The following LYZL2 variants were observed in gnomAD, a reference collection of about 807,000 sequenced individuals.
The protein encoded by LYZL2 is lysozyme-like protein 2.
LYZL2 carries 13 observed loss-of-function variants against 17.1 expected under a neutral mutation model. The observed-to-expected ratio is 0.76, with a 90% confidence interval of 0.49 to 1.21. The LOEUF (loss-of-function observed/expected upper bound fraction) is 1.21, where lower values mean the gene tolerates loss of function less well. LYZL2 is among the 50% of genes most tolerant of loss of function. The pLI is 0.00. For synonymous variants in LYZL2, 63 were observed against 74.4 expected (o/e 0.85, Z 0.79); for missense variants, 166 against 189.2 (o/e 0.88, Z 0.72).
rs777828429 is a variant in LYZL2 at position 30,611,976 on chromosome 10, T to C, written c.426A>G (p.Lys142=). 1.2e-6 allele frequency: 2 copies of C among 1,614,160 alleles called. No homozygotes were observed. Among genetic ancestry groups the C allele is most frequent in the Admixed American group, 1.7e-5 (1 of 60,028 alleles). The change falls in exon 5 of 5, where the codon AAA becomes AAG. Residue 142 remains lysine, a synonymous_variant. Transcript: ENST00000647634. ...HCEGRDLSDW[K]KDCEVS ...CAGTTTAGGAAACCTCACAGTCTTT[T>C]TTCCAGTCGGACAGGTCTCTCCCCT... is the stretch of plus-strand genomic sequence containing the variant.
downstream of LYZL2, among the ~76,000 whole-genome samples, chr10:30,608,576 C>T (rs574542193): frequency 3.3e-5 from 5 of 152,246 alleles, no homozygotes; most frequent in Non-Finnish European, 7.4e-5. Flanking sequence ...TTCTGAAGAT[C>T]CCCGCAGGGC....
At chr10:30,624,810 G>T (rs1413014005) in intron 3 of LYZL2, among the ~76,000 whole-genome samples, 1 of 152,150 alleles carries the variant, frequency 6.6e-6, no homozygotes, top group Non-Finnish European at 1.5e-5. Flanking sequence ...ACCTTGCATG[G>T]CAAAAGGGAC....
At chr10:30,606,453 A>G in the LYZL2 span, among the ~76,000 whole-genome samples, 57 of 151,410 alleles carry the variant, frequency 3.8e-4, no homozygotes, top group African/African-American at 1.1e-3. Context: ...TCCAGGATCA[A>G]TCGATCCTTC....
Position 30,620,817 on chromosome 10 carries a change from C to G in LYZL2, c.298+5288G>C, listed in dbSNP as rs557147226. 9.3e-5 allele frequency among the ~76,000 whole-genome samples: 14 copies of G among 151,250 alleles called. 1 individual carries two copies. Among genetic ancestry groups the G allele is most frequent in the African/African-American group, 3.4e-4 (14 of 41,224 alleles). ...AAATTATGATGCCAAATAAAAAACA[C>G]AGTATCTGAAAAGAAACATCCAATC... On this transcript the variant is annotated intron_variant, in intron 3 of 4. Coordinates refer to ENST00000647634, the MANE Select transcript of LYZL2 (RefSeq NM_183058.3).
chr10:30,620,883 C>T (rs756644242), intron 3 of LYZL2, among the ~76,000 whole-genome samples: 13 of 151,416 alleles, frequency 8.6e-5, no homozygotes, highest in Non-Finnish European at 1.5e-4. Flanking sequence ...AAAGTAACAG[C>T]CGACTTGAAG....
At chr10:30,606,504 C>A in the LYZL2 span, among the ~76,000 whole-genome samples, 1 of 152,080 alleles carries the variant, frequency 6.6e-6, no homozygotes, top group Non-Finnish European at 1.5e-5. Flanking sequence ...CAGGCATGCA[C>A]CTCCATCCCC....
intron 1 of LYZL2, among the ~76,000 whole-genome samples, chr10:30,627,920 GA>G (rs999098803): frequency 6.6e-6 from 1 of 152,230 alleles, no homozygotes; most frequent in Non-Finnish European, 1.5e-5. Context: ...GGCACTTTGG[GA>G]GGCCGAGACG....
chr10:30,613,210 A>T (rs1382055563), intron 3 of LYZL2, among the ~76,000 whole-genome samples: 1 of 152,214 alleles, frequency 6.6e-6, no homozygotes, highest in African/African-American at 2.4e-5. Context: ...CTACAGAAAT[A>T]GGCACAGGCC....
chr10:30,608,450 T>C (rs1319890405), downstream of LYZL2, among the ~76,000 whole-genome samples: 8 of 152,208 alleles, frequency 5.3e-5, no homozygotes, highest in Admixed American at 5.2e-4. Flanking sequence ...TTTCAGGGGC[T>C]GGCTTAGGGT....
At chr10:30,620,930 G>A (rs534052676) in intron 3 of LYZL2, among the ~76,000 whole-genome samples, 72 of 152,032 alleles carry the variant, frequency 4.7e-4, no homozygotes, top group Middle Eastern at 6.8e-3. Flanking sequence ...AAAATACAGG[G>A]AGGGAAAAAT....
chr10:30,616,531 A>T (rs1838530510), intron 3 of LYZL2, among the ~76,000 whole-genome samples: 1 of 152,102 alleles, frequency 6.6e-6, no homozygotes, highest in Non-Finnish European at 1.5e-5. Flanking sequence ...CAATCAAACA[A>T]ACAACAACAA....
At chr10:30,617,683 A>C (rs1313415299) in intron 3 of LYZL2, among the ~76,000 whole-genome samples, 1 of 148,486 alleles carries the variant, frequency 6.7e-6, no homozygotes, top group African/African-American at 2.5e-5. Context: ...TCAAAAAAAA[A>C]AAAAAAAAAA....
intron 3 of LYZL2, among the ~76,000 whole-genome samples, chr10:30,624,109 A>C (rs1454652208): frequency 6.6e-6 from 1 of 151,938 alleles, no homozygotes; most frequent in African/African-American, 2.4e-5. Flanking sequence ...TTTGTGAGAG[A>C]GGGTGCATGG....
chr10:30,616,889 ATTAT>A (rs1838536118), intron 3 of LYZL2, among the ~76,000 whole-genome samples: 1 of 19,964 alleles, frequency 5.0e-5, no homozygotes, highest in Non-Finnish European at 1.2e-4. Context: ...TTTTCTAGTA[ATTAT>A]TTACTTTTAA....
At chr10:30,609,398 C>T (rs552451794), downstream of LYZL2, among the ~76,000 whole-genome samples, 49 of 152,260 alleles carry the variant, frequency 3.2e-4, no homozygotes, top group African/African-American at 1.2e-3. Flanking sequence ...GCACAACCTC[C>T]AAGTTTGGGA....
At chr10:30,616,315 T>A (rs917321006) in intron 3 of LYZL2, among the ~76,000 whole-genome samples, 4 of 152,240 alleles carry the variant, frequency 2.6e-5, no homozygotes, top group African/African-American at 9.6e-5. Flanking sequence ...AGATAGCAAT[T>A]GAAACAACAT....
intron 3 of LYZL2, among the ~76,000 whole-genome samples, chr10:30,618,121 A>T (rs1838563351): frequency 6.6e-6 from 1 of 151,630 alleles, no homozygotes; most frequent in African/African-American, 2.4e-5. Context: ...CTTACAAGGG[A>T]CGTGAAGGAC....
intron 3 of LYZL2, among the ~76,000 whole-genome samples, chr10:30,617,674 C>CAAAAAAAAAAA (rs1165550893): frequency 6.0e-4 from 30 of 50,184 alleles, no homozygotes; most frequent in South Asian, 1.8e-3. Flanking sequence ...GACTCTGTCT[C>CAAAAAAAAAAA]AAAAAAAAAA....
chr10:30,616,643 ATGT>A (rs1220209412), intron 3 of LYZL2, among the ~76,000 whole-genome samples: 1 of 152,254 alleles, frequency 6.6e-6, no homozygotes, highest in African/African-American at 2.4e-5. Context: ...TGTCAGGCAC[ATGT>A]TAAATCTCTT....
Sources: gnomAD v4.1 joint callset for allele counts (sites outside exome capture counted in the v4.1 genomes callset) on GRCh38, gnomAD v4.1.1 for gene constraint, MANE v1.5 for transcripts, NCBI Gene and HGNC (gene_info 2026-07-23, HGNC 2026-07-21) for gene names.